Variants in CSMD1 observed in about 807,000 individuals in gnomAD.
CSMD1 encodes CUB and Sushi multiple domains 1.
In CSMD1, 213 loss-of-function variants were observed where a neutral mutation model predicts 417.5. The ratio of observed to expected loss-of-function variants is 0.51; its 90% CI spans 0.46 to 0.57. CSMD1 has a LOEUF of 0.57. Ranked by LOEUF, CSMD1 falls within the 20% of genes least tolerant of loss-of-function variation. The pLI, the probability that CSMD1 is intolerant of heterozygous loss-of-function variation, is 0.00. For synonymous variants in CSMD1, 2,862 were observed against 1,736.8 expected, an observed-to-expected ratio of 1.65 and a Z score of -16.11; for missense variants, 6,923 against 4,529.7, an observed-to-expected ratio of 1.53 and a Z score of -15.17.
intron 7 of CSMD1, among the ~76,000 whole-genome samples, chr8:3,666,917 A>T (rs910464096): frequency 6.6e-6 from 1 of 152,200 alleles, no homozygotes; most frequent in Non-Finnish European, 1.5e-5. Context: ...GCTATGGTGC[A>T]CATGATTTAC....
chr8:3,292,109 T>C (rs1803623664), intron 25 of CSMD1, among the ~76,000 whole-genome samples: 1 of 152,200 alleles, frequency 6.6e-6, no homozygotes, highest in Non-Finnish European at 1.5e-5. Flanking sequence ...AGGAGCAGGT[T>C]GTTCAGTTTC....
At chr8:4,577,638 A>G (rs184866138) in intron 2 of CSMD1, among the ~76,000 whole-genome samples, 1 of 152,304 alleles carries the variant, frequency 6.6e-6, no homozygotes, top group Non-Finnish European at 1.5e-5. Flanking sequence ...TCACACCTCA[A>G]CACTTCAGTT....
In CSMD1 at chr8:4,252,739, C is replaced by T. The variant is rs905531761; in HGVS notation, c.415+167214G>A. Among the ~76,000 whole-genome samples, 8 of 152,298 alleles carry T rather than the reference C, an allele frequency of 5.3e-5. No homozygotes were observed. The South Asian group carries it at 1.2e-3, about 24-fold the overall frequency. On this transcript the variant is annotated intron_variant, in intron 3 of 69. Transcript: ENST00000635120. Reference sequence around the variant, plus strand: ...ATTGGTTGTACAGGAATTATGAGAGCGCTTTTAGATGGGACTGCAGTGGCA... The same window carrying T: ...ATTGGTTGTACAGGAATTATGAGAGTGCTTTTAGATGGGACTGCAGTGGCA...
intron 57 of CSMD1, among the ~76,000 whole-genome samples, chr8:2,972,638 C>G (rs140884759): frequency 3.3e-5 from 5 of 152,138 alleles, no homozygotes; most frequent in African/African-American, 1.2e-4. Flanking sequence ...TAGACCCACT[C>G]CAAAATAGTT....
At chr8:4,002,492 C>T (rs1348553834) in intron 4 of CSMD1, among the ~76,000 whole-genome samples, 3 of 152,068 alleles carry the variant, frequency 2.0e-5, no homozygotes, top group Non-Finnish European at 2.9e-5. Context: ...ACAGGATGAT[C>T]AATTTTATAA....
chr8:3,607,953 T>G (rs1015361436), intron 8 of CSMD1, among the ~76,000 whole-genome samples: 13 of 151,726 alleles, frequency 8.6e-5, no homozygotes, highest in Non-Finnish European at 1.8e-4. Context: ...GCGGATCACT[T>G]GAGGTCAGGA....
intron 3 of CSMD1, among the ~76,000 whole-genome samples, chr8:4,142,339 C>T (rs1035728093): frequency 6.6e-6 from 1 of 151,018 alleles, no homozygotes; most frequent in African/African-American, 2.5e-5. Context: ...GCCTACTCTA[C>T]GAGGTTATGA....
At chr8:3,052,763 T>A (rs895302536) in intron 49 of CSMD1, 116 bp from the exon 50 acceptor site, 13 of 759,144 alleles carry the variant, frequency 1.7e-5, no homozygotes, top group Non-Finnish European at 2.3e-5. Context: ...AAATTGTGAA[T>A]TATATTTCTT....
rs1301265348 is a variant in CSMD1, at chr8:3,230,119, C to T, written c.4266G>A (p.Gln1422=). Residue 1422 remains glutamine, a synonymous_variant, in exon 27 of 70, where the codon CAG becomes CAA. Transcript: ENST00000635120. ...AGGTGATTTTGGCTTGTCCTTGGAG[C>T]TGATAGCCAGGGTCACACTGGAATG... ...TVTFQCDPGY[Q]LQGQAKITCV... 5 of 1,613,722 alleles carry T rather than the reference C, an allele frequency of 3.1e-6. No homozygotes were observed. Among genetic ancestry groups the T allele is most frequent in the Non-Finnish European group, 4.2e-6 (5 of 1,179,754 alleles).
chr8:3,476,636 G>C (rs113893343), intron 11 of CSMD1, among the ~76,000 whole-genome samples: 16 of 152,162 alleles, frequency 1.1e-4, no homozygotes, highest in African/African-American at 3.4e-4. Context: ...TAATGAATCA[G>C]CCAGGCTTGG....
At chr8:3,394,440 C>A (rs1354519184) in intron 17 of CSMD1, among the ~76,000 whole-genome samples, 1 of 151,838 alleles carries the variant, frequency 6.6e-6, no homozygotes, top group African/African-American at 2.4e-5. Context: ...GTTTCTTCTG[C>A]CTTCACTTAG....
chr8:3,315,619 C>T (rs931910347), intron 23 of CSMD1, among the ~76,000 whole-genome samples: 3 of 152,070 alleles, frequency 2.0e-5, no homozygotes, highest in Non-Finnish European at 2.9e-5. Flanking sequence ...ATCCTATGAG[C>T]AGCCCCATGG....
intron 12 of CSMD1, among the ~76,000 whole-genome samples, chr8:3,421,801 G>A (rs936790959): frequency 6.6e-6 from 1 of 152,110 alleles, no homozygotes; most frequent in Admixed American, 6.5e-5. Context: ...CCATGCCCAG[G>A]TAATTCTTGT....
chr8:3,194,408 CTATTTTATTTTATTTTATTTTATTT>C (rs201987474), intron 33 of CSMD1, among the ~76,000 whole-genome samples: 3,082 of 134,896 alleles, frequency 0.023, 119 homozygotes, highest in African/African-American at 0.077. Flanking sequence ...ATCTGATTAA[CTATTTTATTTTATTTTATTTTATTT>C]TATTTTATTT....
chr8:4,558,624 T>A (rs1385168768), intron 2 of CSMD1, among the ~76,000 whole-genome samples: 1 of 152,100 alleles, frequency 6.6e-6, no homozygotes, highest in Non-Finnish European at 1.5e-5. Flanking sequence ...CCCAGCACTT[T>A]GGGAGGCTGA....
chr8:3,076,270 C>G (rs955659624), intron 49 of CSMD1, among the ~76,000 whole-genome samples: 2 of 152,202 alleles, frequency 1.3e-5, no homozygotes, highest in African/African-American at 4.8e-5. Context: ...TGCTGTGTCC[C>G]TGCATGGTCG....
At chr8:3,398,625 T>G (rs922163917) in intron 16 of CSMD1, among the ~76,000 whole-genome samples, 7 of 152,166 alleles carry the variant, frequency 4.6e-5, no homozygotes, top group Non-Finnish European at 1.0e-4. Flanking sequence ...AAGGTCATTG[T>G]TAGAGAAAGC....
chr8:4,596,839 G>C (rs150283039), intron 2 of CSMD1, among the ~76,000 whole-genome samples: 5,475 of 152,302 alleles, frequency 0.036, 174 homozygotes, highest in Middle Eastern at 0.12. Context: ...CCCAGGGGGA[G>C]GTAATTGAAT....
intron 36 of CSMD1, among the ~76,000 whole-genome samples, chr8:3,182,761 G>A (rs1277714841): frequency 7.1e-6 from 1 of 140,422 alleles, no homozygotes; most frequent in Non-Finnish European, 1.5e-5. Flanking sequence ...GTGTGTGTGT[G>A]TGTGTGTATT....
Sources: gnomAD v4.1 joint callset for allele counts (sites outside exome capture counted in the v4.1 genomes callset) on GRCh38, gnomAD v4.1.1 for gene constraint, MANE v1.5 for transcripts, NCBI Gene and HGNC (gene_info 2026-07-23, HGNC 2026-07-21) for gene names.